VWC2: variants seen among roughly 807,000 people sequenced by gnomAD.
The protein encoded by VWC2 is brorin.
Under a neutral mutation model 29.8 loss-of-function variants are expected in VWC2, and 14 were observed. That is an observed-to-expected ratio of 0.47 (90% CI 0.31 to 0.74). The LOEUF (loss-of-function observed/expected upper bound fraction) is 0.74, where lower values mean the gene tolerates loss of function less well. Ranked by LOEUF, VWC2 falls within the 30% of genes least tolerant of loss-of-function variation. The pLI, the probability that VWC2 is intolerant of heterozygous loss-of-function variation, is 0.05. For missense variants in VWC2, 457 were observed against 459.8 expected, an observed-to-expected ratio of 0.99 and a Z score of 0.05; for synonymous variants, 213 against 199.0, an observed-to-expected ratio of 1.07 and a Z score of -0.59.
intron 3 of VWC2, among the ~76,000 whole-genome samples, chr7:49,838,518 G>T (rs1789717430): frequency 6.6e-6 from 1 of 151,942 alleles, no homozygotes; most frequent in Admixed American, 6.6e-5. Flanking sequence ...TGCTGAGGAT[G>T]TGAGTGCTCA....
rs986202841 is a variant in VWC2 at position 49,884,360 on chromosome 7, C to T, written c.827-27674C>T. Among the ~76,000 whole-genome samples the T allele has an allele frequency of 6.6e-5, 10 of 152,304 alleles. No individual in the cohort carries two copies. The East Asian group carries it at 1.5e-3, about 23-fold the overall frequency. On this transcript the variant is annotated intron_variant, in intron 3 of 3. Coordinates refer to ENST00000340652, the MANE Select transcript of VWC2 (RefSeq NM_198570.5). The stretch of plus-strand genomic sequence containing the variant: ...TATTGCCAGGGAAGAAGGCTTTAAC[C>T]GGGTGCTACAGCCGAGGAGAACAGG...
intron 3 of VWC2, among the ~76,000 whole-genome samples, chr7:49,836,237 G>T (rs985314421): frequency 1.3e-5 from 2 of 152,004 alleles, no homozygotes; most frequent in Non-Finnish European, 2.9e-5. Context: ...CTACTAACAT[G>T]AACTAAGAGA....
At chr7:49,877,481 A>AATATATACAT (rs1791476973) in intron 3 of VWC2, among the ~76,000 whole-genome samples, 1 of 12,722 alleles carries the variant, frequency 7.9e-5, no homozygotes, top group Admixed American at 1.4e-3. Context: ...AAAAAAAAAA[A>AATATATACAT]ATATATATAT....
chr7:49,795,207 TC>T (rs1248607024), intron 2 of VWC2, among the ~76,000 whole-genome samples: 1 of 152,242 alleles, frequency 6.6e-6, no homozygotes, highest in African/African-American at 2.4e-5. Context: ...TAATCTCTAA[TC>T]AGCAAGATGG....
chr7:49,857,957 G>C (rs1790490403), intron 3 of VWC2, among the ~76,000 whole-genome samples: 1 of 152,118 alleles, frequency 6.6e-6, no homozygotes, highest in South Asian at 2.1e-4. Flanking sequence ...GACCACACAG[G>C]CTTTCCCAGA....
intron 3 of VWC2, among the ~76,000 whole-genome samples, chr7:49,863,210 A>C (rs1402279838): frequency 2.0e-5 from 3 of 152,000 alleles, no homozygotes; most frequent in Non-Finnish European, 4.4e-5. Context: ...TGTTTCTAGG[A>C]ATTTGTCCAT....
At chr7:49,910,864 A>G (rs1188630502) in intron 3 of VWC2, among the ~76,000 whole-genome samples, 3 of 152,184 alleles carry the variant, frequency 2.0e-5, no homozygotes, top group Non-Finnish European at 4.4e-5. Context: ...GAACTTATCA[A>G]AGCAAATTCT....
intron 3 of VWC2, among the ~76,000 whole-genome samples, chr7:49,900,377 G>A (rs1395306849): frequency 6.6e-6 from 1 of 151,610 alleles, no homozygotes; most frequent in Non-Finnish European, 1.5e-5. Flanking sequence ...TAAAACAAAA[G>A]CTTGTTTATT....
chr7:49,897,926 G>A (rs1792471428), intron 3 of VWC2, among the ~76,000 whole-genome samples: 1 of 152,178 alleles, frequency 6.6e-6, no homozygotes, highest in African/African-American at 2.4e-5. Context: ...CTTGCAGGGG[G>A]AGGGGAAAAA....
At chr7:49,802,903 G>A (rs1788775778) in intron 3 of VWC2, 63 bp downstream of exon 3, 1 of 1,605,636 alleles carries the variant, frequency 6.2e-7, no homozygotes, top group Admixed American at 1.7e-5. Flanking sequence ...CCCATGTGCT[G>A]CTTCATGGTA....
At chr7:49,813,475 C>T (rs1211733543) in intron 3 of VWC2, among the ~76,000 whole-genome samples, 1 of 152,214 alleles carries the variant, frequency 6.6e-6, no homozygotes, top group African/African-American at 2.4e-5. Context: ...CTGTGTGCTT[C>T]TGCTGCTGCT....
intron 3 of VWC2, among the ~76,000 whole-genome samples, chr7:49,885,926 G>T (rs1791885130): frequency 6.6e-6 from 1 of 152,238 alleles, no homozygotes; most frequent in South Asian, 2.1e-4. Context: ...CGTGATTCTG[G>T]GGCTGTGCAG....
intron 3 of VWC2, among the ~76,000 whole-genome samples, chr7:49,808,437 A>AATTACTTAATAAAATAAATTGTAGTTGC: frequency 6.6e-6 from 1 of 152,148 alleles, no homozygotes; most frequent in East Asian, 1.9e-4. Flanking sequence ...TTGTAGTTGC[A>AATTACTTAATAAAATAAATTGTAGTTGC]AATTCTGATA....
intron 2 of VWC2, 46 bp from the exon 3 acceptor site, chr7:49,802,665 A>C: frequency 6.2e-7 from 1 of 1,612,292 alleles, no homozygotes; most frequent in Non-Finnish European, 8.5e-7. Context: ...CCTGTAGGAT[A>C]AACATGACAG....
intron 3 of VWC2, among the ~76,000 whole-genome samples, chr7:49,872,307 G>A (rs1182249363): frequency 6.6e-6 from 1 of 151,960 alleles, no homozygotes; most frequent in Non-Finnish European, 1.5e-5. Context: ...AAACATGAAA[G>A]GTCTTGGATT....
At position 49,911,417 on chromosome 7, in the gene VWC2, G is replaced by T. The variant is rs957222557; in HGVS notation, c.827-617G>T. 2.0e-5 allele frequency among the ~76,000 whole-genome samples: 3 copies of T among 147,206 alleles called. No individual in the cohort carries two copies. In the Admixed American group the frequency reaches 2.1e-4, roughly 10 times the overall value. On this transcript the variant is annotated intron_variant, in intron 3 of 3. Coordinates refer to ENST00000340652, the MANE Select transcript of VWC2 (RefSeq NM_198570.5). The stretch of plus-strand genomic sequence containing the variant: ...GAATCGCTTGAACCCCGGAGGCAGA[G>T]GTTGCAGTGAGCCGAGATCGTGCCA...
At chr7:49,788,359 T>G (rs951240669) in intron 2 of VWC2, among the ~76,000 whole-genome samples, 6 of 152,172 alleles carry the variant, frequency 3.9e-5, no homozygotes, top group Non-Finnish European at 5.9e-5. Context: ...CCTTTGGTCA[T>G]CTTCACTTCC....
intron 3 of VWC2, among the ~76,000 whole-genome samples, chr7:49,854,521 G>T (rs1790333869): frequency 6.6e-6 from 1 of 152,158 alleles, no homozygotes; most frequent in African/African-American, 2.4e-5. Flanking sequence ...CTTTTGAGAA[G>T]TGTCTGTTCA....
chr7:49,856,525 C>T (rs1045156129), intron 3 of VWC2, among the ~76,000 whole-genome samples: 8 of 152,218 alleles, frequency 5.3e-5, no homozygotes, highest in South Asian at 2.1e-4. Context: ...ACAAAATGGA[C>T]GAATACAGCA....
Sources: allele counts gnomAD v4.1 joint callset (sites outside exome capture counted in the v4.1 genomes callset), GRCh38; gene constraint gnomAD v4.1.1; transcripts MANE v1.5; gene names NCBI Gene and HGNC (gene_info 2026-07-23, HGNC 2026-07-21).